Variants in SLC16A7 observed in about 807,000 individuals in gnomAD.
The protein encoded by SLC16A7 is monocarboxylate transporter 2.
A neutral mutation model predicts 34.9 loss-of-function variants in SLC16A7; 33 were observed. That is an observed-to-expected ratio of 0.94 (90% CI 0.72 to 1.26). The LOEUF (loss-of-function observed/expected upper bound fraction) is 1.26. SLC16A7 is among the 50% of genes most tolerant of loss of function. The pLI, the probability that SLC16A7 is intolerant of heterozygous loss-of-function variation, is 0.00. For missense variants in SLC16A7, 573 were observed against 578.1 expected (o/e 0.99, Z 0.09); for synonymous variants, 201 against 206.6 (o/e 0.97, Z 0.23).
chr12:59,757,995 T>C lies in SLC16A7; in HGVS notation c.218-13224T>C, dbSNP rs575694678. On this transcript the variant is annotated intron_variant, in intron 3 of 5. Transcript: ENST00000547379. ...CTATTAGTTTTTTAGCCATTTTAGCTATTAGTTATTTTTTGTTAATTGACA... is the reference window on the plus strand; with the variant it reads ...CTATTAGTTTTTTAGCCATTTTAGCCATTAGTTATTTTTTGTTAATTGACA... Among the ~76,000 whole-genome samples, 6 of 152,252 alleles carry C rather than the reference T, an allele frequency of 3.9e-5. No individual in the cohort carries two copies. In the South Asian group the frequency reaches 1.2e-3, roughly 32 times the overall value.
chr12:59,659,426 G>A (rs955980258), intron 2 of SLC16A7, among the ~76,000 whole-genome samples: 5 of 151,838 alleles, frequency 3.3e-5, no homozygotes, highest in African/African-American at 9.7e-5. Context: ...TCCCACCTTT[G>A]GTACCCTCCA....
chr12:59,684,585 G>T (rs567402081), intron 2 of SLC16A7, among the ~76,000 whole-genome samples: 1 of 152,196 alleles, frequency 6.6e-6, no homozygotes, highest in African/African-American at 2.4e-5. Flanking sequence ...TCGAAGAAGT[G>T]TTAGGACAAG....
rs1883750294 is a variant in SLC16A7, at chr12:59,788,137, T to C, written c.*8458T>C. The C allele has an allele frequency of 1.3e-5, 2 of 152,142 alleles. No homozygotes were observed. Among genetic ancestry groups the C allele is most frequent in the Non-Finnish European group, 2.9e-5 (2 of 68,020 alleles). 9.4% of individuals were successfully genotyped at this position (152,142 alleles called of 1,614,324 possible). A position where few individuals can be genotyped will look rare whatever the true frequency, so the allele number is the denominator to read the frequency against. ...ACTACTTACATACTTTGAACAAATA[T>C]GTTTTTCTAATCCCAGCATTAAATT... On this transcript the variant is annotated 3_prime_UTR_variant, in exon 6 of 6. Coordinates refer to ENST00000547379, the MANE Select transcript of SLC16A7 (RefSeq NM_001270623.2).
chr12:59,754,350 A>C lies in SLC16A7; in HGVS notation c.218-16869A>C, dbSNP rs556892069. Among the ~76,000 whole-genome samples, 266 of 152,310 alleles carry C rather than the reference A, an allele frequency of 1.7e-3. 1 individual carries two copies. The highest frequency in any genetic ancestry group is 5.8e-3 in the African/African-American group (242 of 41,574). ...TTTTGAAAGGATCAACAAAATTGAT[A>C]GACTGCTAGCAAGACTAATAAAGAA... On this transcript the variant is annotated intron_variant, in intron 3 of 5. Transcript: ENST00000547379.
chr12:59,776,405 C>T (rs1009758200), intron 5 of SLC16A7, among the ~76,000 whole-genome samples: 1 of 152,086 alleles, frequency 6.6e-6, no homozygotes, highest in African/African-American at 2.4e-5. Flanking sequence ...TTTGTTTAGT[C>T]TTAGACTTTA....
At chr12:59,710,679 A>G (rs1233446254) in intron 3 of SLC16A7, among the ~76,000 whole-genome samples, 1 of 152,214 alleles carries the variant, frequency 6.6e-6, no homozygotes, top group East Asian at 1.9e-4. Context: ...TTATTAATTT[A>G]TGACCTGACA....
intron 3 of SLC16A7, among the ~76,000 whole-genome samples, chr12:59,748,769 T>G (rs1405477153): frequency 6.6e-6 from 1 of 152,196 alleles, no homozygotes; most frequent in East Asian, 1.9e-4. Flanking sequence ...TATCTTGTAT[T>G]GAAAATGCAG....
intron 1 of SLC16A7, among the ~76,000 whole-genome samples, chr12:59,629,545 A>G (rs2136991904): frequency 6.6e-6 from 1 of 152,036 alleles, no homozygotes; most frequent in Non-Finnish European, 1.5e-5. Flanking sequence ...AAATGAACGA[A>G]AATAAACTCT....
chr12:59,704,936 A>G lies in SLC16A7; in HGVS notation c.135A>G (p.Lys45=). ...AFPKAVTVFF[K]EIQQIFHTTY... ...CCAAAGCTGTCACCGTATTCTTCAAAGAAATTCAGCAAATATTCCACACTA... is the reference window on the plus strand; with the variant it reads ...CCAAAGCTGTCACCGTATTCTTCAAGGAAATTCAGCAAATATTCCACACTA... The change falls in exon 3 of 6, where the codon AAA becomes AAG. Residue 45 remains lysine (K), a synonymous_variant. Transcript: ENST00000547379. The G allele has an allele frequency of 6.2e-7, 1 of 1,613,884 alleles. No individual in the cohort carries two copies. Among genetic ancestry groups the G allele is most frequent in the Non-Finnish European group, 8.5e-7 (1 of 1,179,804 alleles).
chr12:59,757,163 G>T (rs1390880027), intron 3 of SLC16A7, among the ~76,000 whole-genome samples: 1 of 150,644 alleles, frequency 6.6e-6, no homozygotes, highest in African/African-American at 2.5e-5. Flanking sequence ...TCTAAATGAC[G>T]AGTTAATGGG....
intron 5 of SLC16A7, among the ~76,000 whole-genome samples, chr12:59,778,227 G>T (rs1882954499): frequency 6.6e-6 from 1 of 152,016 alleles, no homozygotes; most frequent in South Asian, 2.1e-4. Flanking sequence ...TGTAGAAATA[G>T]AAATATTTGA....
rs1472456458 is a variant in SLC16A7 at position 59,704,950 on chromosome 12, T to C, written c.149T>C (p.Ile50Thr). Residue 50 changes from isoleucine (I) to threonine (T), a missense_variant, in exon 3 of 6, where the codon ATA becomes ACA. Ile to Thr is a moderately conservative substitution (Grantham distance 89). Coordinates refer to ENST00000547379, the MANE Select transcript of SLC16A7 (RefSeq NM_001270623.2). The part of the protein sequence containing the change: ...VTVFFKEIQQ[I>T]FHTTYSEIAW... ...GTATTCTTCAAAGAAATTCAGCAAATATTCCACACTACCTACAGTGAAATA... is the reference window on the plus strand; with the variant it reads ...GTATTCTTCAAAGAAATTCAGCAAACATTCCACACTACCTACAGTGAAATA... 6.2e-7 allele frequency: 1 copy of C among 1,613,758 alleles called. No homozygotes were observed. The highest frequency in any genetic ancestry group is 1.3e-5 in the African/African-American group (1 of 74,910).
intron 3 of SLC16A7, among the ~76,000 whole-genome samples, chr12:59,759,506 T>C (rs1167099746): frequency 6.6e-6 from 1 of 152,050 alleles, no homozygotes; most frequent in Non-Finnish European, 1.5e-5. Context: ...CATTTGCCTT[T>C]AGAATACAGT....
In SLC16A7 at chr12:59,782,305, C is replaced by T. The variant is rs915266153; in HGVS notation, c.*2626C>T. 8.5e-5 allele frequency: 13 copies of T among 152,148 alleles called. No homozygotes were observed. Among genetic ancestry groups the T allele is most frequent in the African/African-American group, 2.9e-4 (12 of 41,438 alleles). The allele number at this position is 152,148 out of a possible 1,614,324, so 9.4% of individuals were successfully genotyped here. A position where few individuals can be genotyped will look rare whatever the true frequency, so the allele number is the denominator to read the frequency against. On this transcript the variant is annotated 3_prime_UTR_variant, in exon 6 of 6. Coordinates refer to ENST00000547379, the MANE Select transcript of SLC16A7 (RefSeq NM_001270623.2). ...ATAAATTATTCTACTTGTTCACTCT[C>T]CCCACCCTCTTGAACTTGTTAGAAG...
chr12:59,757,681 C>T (rs1481948040), intron 3 of SLC16A7, among the ~76,000 whole-genome samples: 2 of 152,120 alleles, frequency 1.3e-5, no homozygotes, highest in South Asian at 4.1e-4. Context: ...TCCCCTTCCA[C>T]CTCCTCCACC....
At chr12:59,718,889 C>T (rs1875234427) in intron 3 of SLC16A7, among the ~76,000 whole-genome samples, 1 of 152,108 alleles carries the variant, frequency 6.6e-6, no homozygotes, top group South Asian at 2.1e-4. Context: ...GCCTATGGTA[C>T]TTCTAGACAC....
intron 2 of SLC16A7, among the ~76,000 whole-genome samples, chr12:59,693,648 A>G (rs538814558): frequency 6.6e-6 from 1 of 152,054 alleles, no homozygotes; most frequent in African/African-American, 2.4e-5. Flanking sequence ...AGCTGGAAAG[A>G]TGATGAATTT....
At chr12:59,688,896 G>A (rs1020715841) in intron 2 of SLC16A7, among the ~76,000 whole-genome samples, 6 of 151,914 alleles carry the variant, frequency 3.9e-5, no homozygotes, top group Admixed American at 1.3e-4. Context: ...GGGCAAATAA[G>A]TAAATGTGTA....
intron 3 of SLC16A7, among the ~76,000 whole-genome samples, chr12:59,742,017 T>C (rs10783999): frequency 0.6 from 91,357 of 151,928 alleles, 28,223 homozygotes; most frequent in African/African-American, 0.76. Flanking sequence ...TAGCGGGTGA[T>C]TTGGGGTGTT....
Sources: gnomAD v4.1 joint callset for allele counts (sites outside exome capture counted in the v4.1 genomes callset) on GRCh38, gnomAD v4.1.1 for gene constraint, MANE v1.5 for transcripts, NCBI Gene and HGNC (gene_info 2026-07-23, HGNC 2026-07-21) for gene names.